ATP8A1: variants seen among roughly 807,000 people sequenced by gnomAD.
ATP8A1 encodes phospholipid-transporting ATPase IA.
Under a neutral mutation model 177.7 loss-of-function variants are expected in ATP8A1, and 90 were observed. The ratio of observed to expected loss-of-function variants is 0.51; its 90% CI spans 0.43 to 0.60. ATP8A1 has a LOEUF of 0.60. ATP8A1 is among the 20% of genes least tolerant of loss of function. The probability of loss-of-function intolerance (pLI) is 0.00; values close to 1 mark genes in which losing one functional copy is unlikely to be tolerated. For missense variants in ATP8A1, 1,072 were observed against 1,392.8 expected, an observed-to-expected ratio of 0.77 and a Z score of 3.67; for synonymous variants, 493 against 485.9, an observed-to-expected ratio of 1.01 and a Z score of -0.19.
chr4:42,622,087 A>T (rs1224714869), intron 4 of ATP8A1, among the ~76,000 whole-genome samples: 1 of 152,196 alleles, frequency 6.6e-6, no homozygotes, highest in African/African-American at 2.4e-5. Context: ...TTAAAGACTT[A>T]AATGAAGGCT....
In ATP8A1 at chr4:42,410,120, ACT is replaced by A. The variant is rs1007434230; in HGVS notation, c.*2794_*2795del. 31 of 152,334 alleles carry A rather than the reference ACT, an allele frequency of 2.0e-4. No homozygotes were observed. The highest frequency in any genetic ancestry group is 5.5e-4 in the African/African-American group (23 of 41,578). The allele number at this position is 152,334 out of a possible 1,614,324, so 9.4% of individuals were successfully genotyped here. A position where few individuals can be genotyped will look rare whatever the true frequency, so the allele number is the denominator to read the frequency against. ...AAAATTTACAACGTTCCTGAGAAAC[ACT>A]GTTTTCCTAATAATATCTACAATAT... On this transcript the variant is annotated 3_prime_UTR_variant, in exon 37 of 37. Coordinates refer to ENST00000381668, the MANE Select transcript of ATP8A1 (RefSeq NM_006095.2).
intron 35 of ATP8A1, among the ~76,000 whole-genome samples, chr4:42,416,305 G>C (rs574320670): frequency 1.3e-5 from 2 of 152,116 alleles, no homozygotes; most frequent in East Asian, 3.8e-4. Flanking sequence ...AAATGACTAC[G>C]GGAGACTAGA....
intron 27 of ATP8A1, among the ~76,000 whole-genome samples, chr4:42,461,521 C>G (rs1253637676): frequency 6.6e-6 from 1 of 152,174 alleles, no homozygotes; most frequent in Admixed American, 6.5e-5. Context: ...TAAGACGTGA[C>G]TTGTTCCTCC....
intron 16 of ATP8A1, among the ~76,000 whole-genome samples, chr4:42,555,066 T>C (rs1360494590): frequency 6.6e-6 from 1 of 151,996 alleles, no homozygotes; most frequent in Non-Finnish European, 1.5e-5. Context: ...TATGACTTAA[T>C]AAACTCCCCT....
At chr4:42,508,961 T>C (rs1186549843) in intron 22 of ATP8A1, among the ~76,000 whole-genome samples, 1 of 152,254 alleles carries the variant, frequency 6.6e-6, no homozygotes, top group African/African-American at 2.4e-5. Flanking sequence ...GTTAACTATA[T>C]ATACAAACAT....
intron 29 of ATP8A1, among the ~76,000 whole-genome samples, chr4:42,453,819 G>A (rs1321162000): frequency 6.6e-6 from 1 of 152,160 alleles, no homozygotes; most frequent in Non-Finnish European, 1.5e-5. Context: ...CCAACCAGTA[G>A]ACCTGGAACT....
chr4:42,555,040 G>A (rs893828723), intron 16 of ATP8A1, among the ~76,000 whole-genome samples: 1 of 151,464 alleles, frequency 6.6e-6, no homozygotes, highest in Admixed American at 6.6e-5. Context: ...GCCTATTGTG[G>A]GATTGTGTGA....
chr4:42,640,998 TC>T (rs1739921035), intron 1 of ATP8A1, among the ~76,000 whole-genome samples: 1 of 127,378 alleles, frequency 7.9e-6, no homozygotes, highest in East Asian at 2.1e-4. Context: ...TACAGAGACT[TC>T]CCCCTCACCA....
intron 22 of ATP8A1, among the ~76,000 whole-genome samples, chr4:42,516,304 T>C (rs1725528322): frequency 1.3e-5 from 2 of 152,202 alleles, no homozygotes; most frequent in Admixed American, 1.3e-4. Flanking sequence ...AGTTACAGTG[T>C]TCTGAGTTTA....
intron 30 of ATP8A1, among the ~76,000 whole-genome samples, chr4:42,447,310 G>C (rs533545661): frequency 6.6e-6 from 1 of 152,220 alleles, no homozygotes; most frequent in Admixed American, 6.5e-5. Context: ...AGCCTCCGGA[G>C]TAGCTGGGAT....
At chr4:42,639,706 G>T (rs1335471309) in intron 1 of ATP8A1, among the ~76,000 whole-genome samples, 3 of 152,140 alleles carry the variant, frequency 2.0e-5, no homozygotes, top group African/African-American at 7.2e-5. Context: ...ATAGTTAAGT[G>T]AACTGTTACT....
At chr4:42,632,291 T>C (rs1738820673) in intron 1 of ATP8A1, among the ~76,000 whole-genome samples, 1 of 152,168 alleles carries the variant, frequency 6.6e-6, no homozygotes, top group African/African-American at 2.4e-5. Context: ...TTTATTGAAA[T>C]GAGCAAGGAA....
chr4:42,552,711 G>T, intron 16 of ATP8A1, 101 bp from the exon 17 acceptor site: 1 of 842,212 alleles, frequency 1.2e-6, no homozygotes, highest in Non-Finnish European at 1.9e-6. Flanking sequence ...TTGTTGGCCA[G>T]ACATGGTAGC....
At chr4:42,563,477 T>C (rs1056855669) in intron 15 of ATP8A1, among the ~76,000 whole-genome samples, 2 of 152,206 alleles carry the variant, frequency 1.3e-5, no homozygotes, top group Non-Finnish European at 2.9e-5. Context: ...ACCTATTTTC[T>C]GAGGAGAATT....
At chr4:42,656,664 G>C (rs957676837) in intron 1 of ATP8A1, among the ~76,000 whole-genome samples, 161 bp downstream of exon 1, 49 of 152,174 alleles carry the variant, frequency 3.2e-4, no homozygotes, top group African/African-American at 1.1e-3. Context: ...GAGTACACTG[G>C]GGGCAGCGCG....
At chr4:42,584,644 G>A (rs1465647599) in intron 9 of ATP8A1, among the ~76,000 whole-genome samples, 2 of 152,172 alleles carry the variant, frequency 1.3e-5, no homozygotes, top group African/African-American at 4.8e-5. Context: ...TAACGTTGGA[G>A]GGTCTCAGGA....
chr4:42,542,023 G>A (rs1728438981), intron 20 of ATP8A1, among the ~76,000 whole-genome samples: 1 of 152,084 alleles, frequency 6.6e-6, no homozygotes, highest in African/African-American at 2.4e-5. Flanking sequence ...TACAGTCTAG[G>A]GTTTGAGTGA....
chr4:42,466,031 CAAAAAAAAAAAAA>C (rs57949092), intron 25 of ATP8A1, among the ~76,000 whole-genome samples: 22,897 of 108,462 alleles, frequency 0.21, 2,274 homozygotes, highest in South Asian at 0.33. Context: ...GACTCCGTCT[CAAAAAAAAAAAAA>C]AAAAAAAAAA....
chr4:42,651,776 T>C (rs915167381), intron 1 of ATP8A1, among the ~76,000 whole-genome samples: 2 of 152,178 alleles, frequency 1.3e-5, no homozygotes, highest in Non-Finnish European at 2.9e-5. Flanking sequence ...CTCAGGACAG[T>C]GAAGCAGAAA....
Sources: allele counts gnomAD v4.1 joint callset (sites outside exome capture counted in the v4.1 genomes callset), GRCh38; gene constraint gnomAD v4.1.1; transcripts MANE v1.5; gene names NCBI Gene and HGNC (gene_info 2026-07-23, HGNC 2026-07-21).